Variants in ACSF2 observed in about 807,000 individuals in gnomAD.
ACSF2 encodes medium-chain acyl-CoA ligase ACSF2, mitochondrial.
ACSF2 carries 52 observed loss-of-function variants against 79.3 expected under a neutral mutation model. The observed-to-expected ratio is 0.66, with a 90% CI of 0.53 to 0.83. The LOEUF (loss-of-function observed/expected upper bound fraction) is 0.83, where lower values mean the gene tolerates loss of function less well. Ranked by LOEUF, ACSF2 falls within the 40% of genes least tolerant of loss-of-function variation. The probability of loss-of-function intolerance (pLI) is 0.00; values close to 1 mark genes in which losing one functional copy is unlikely to be tolerated. For synonymous variants in ACSF2, 283 were observed against 312.6 expected (o/e 0.91, Z 1.00); for missense variants, 661 against 803.3 (o/e 0.82, Z 2.14).
chr17:50,472,699 A>C, intron 12 of ACSF2, 120 bp downstream of exon 12: 5 of 1,237,556 alleles, frequency 4.0e-6, no homozygotes, highest in Non-Finnish European at 5.4e-6. Flanking sequence ...GACCCCTCAC[A>C]TGCTGGAGTC....
chr17:50,454,769 C>T (rs1486919229), intron 1 of ACSF2, among the ~76,000 whole-genome samples: 1 of 152,116 alleles, frequency 6.6e-6, no homozygotes, highest in Non-Finnish European at 1.5e-5. Context: ...GAAGAAGGAC[C>T]TATTGGGGTT....
rs1295170902 is a variant in ACSF2, at chr17:50,473,964, A to T, written c.1688A>T (p.Glu563Val). ...CACIRLKDGE[E>V]TTVEEIKAFC... ...TGCATTCGGCTGAAGGACGGGGAGG[A>T]GACCACGGTGGAGGAGATAAAAGCT... Residue 563 changes from glutamate to valine, a missense_variant, in exon 14 of 16, where the codon GAG (glutamate) becomes GTG (valine). Glu to Val is a moderately radical substitution (Grantham distance 121). Transcript: ENST00000300441. The T allele has an allele frequency of 6.5e-7, 1 of 1,541,094 alleles. No individual in the cohort carries two copies. Among genetic ancestry groups the T allele is most frequent in the African/African-American group, 1.4e-5 (1 of 72,914 alleles).
intron 1 of ACSF2, among the ~76,000 whole-genome samples, chr17:50,459,353 C>G (rs911145055): frequency 3.9e-5 from 6 of 152,196 alleles, no homozygotes; most frequent in Non-Finnish European, 7.4e-5. Context: ...TGATCCTCCC[C>G]CTTCAACCTC....
intron 1 of ACSF2, chr17:50,460,417 T>C: frequency 1.9e-6 from 1 of 515,730 alleles, no homozygotes; most frequent in Non-Finnish European, 3.5e-6. Flanking sequence ...CTATGGCATC[T>C]CACCTTTCCC....
chr17:50,469,045 G>T (rs1429891643), intron 10 of ACSF2: 1 of 1,316,256 alleles, frequency 7.6e-7, no homozygotes, highest in East Asian at 3.2e-5. Flanking sequence ...CCCCCAGCCG[G>T]CTACCGTGCA....
intron 1 of ACSF2, among the ~76,000 whole-genome samples, chr17:50,433,688 G>C (rs994677165): frequency 6.6e-6 from 1 of 152,044 alleles, no homozygotes; most frequent in African/African-American, 2.4e-5. Flanking sequence ...GCGTGATCAC[G>C]GCTCACTGTA....
chr17:50,462,652 G>T, intron 6 of ACSF2, 67 bp downstream of exon 6: 1 of 1,552,158 alleles, frequency 6.4e-7, no homozygotes. Context: ...TGACACTTCC[G>T]CGGGGATGGG....
At chr17:50,428,170 C>T (rs569783960) in intron 1 of ACSF2, among the ~76,000 whole-genome samples, 1 of 152,286 alleles carries the variant, frequency 6.6e-6, no homozygotes, top group South Asian at 2.1e-4. Context: ...GCCTGAGCAG[C>T]AGAGCAAAAC....
intron 1 of ACSF2, among the ~76,000 whole-genome samples, chr17:50,433,080 C>G (rs1221074309): frequency 6.6e-6 from 1 of 151,712 alleles, no homozygotes; most frequent in African/African-American, 2.4e-5. Context: ...CACACACACG[C>G]ACACACACAC....
At chr17:50,442,703 G>A (rs781710529) in intron 1 of ACSF2, among the ~76,000 whole-genome samples, 1 of 152,066 alleles carries the variant, frequency 6.6e-6, no homozygotes, top group Non-Finnish European at 1.5e-5. Context: ...GAATTCAAGC[G>A]ATTTTCCTGC....
intron 11 of ACSF2, chr17:50,472,144 C>A (rs2033151050): frequency 6.9e-6 from 3 of 431,770 alleles, no homozygotes; most frequent in Admixed American, 4.6e-5. Context: ...CTGCAGTCCA[C>A]AAACCTCTTT....
intron 10 of ACSF2, among the ~76,000 whole-genome samples, chr17:50,470,755 C>T (rs528579795): frequency 1.3e-5 from 2 of 151,992 alleles, no homozygotes; most frequent in East Asian, 1.9e-4. Context: ...TCCAGGGAAA[C>T]GGGGCACTGA....
chr17:50,436,696 A>G (rs1386558821), intron 1 of ACSF2, among the ~76,000 whole-genome samples: 1 of 149,656 alleles, frequency 6.7e-6, no homozygotes, highest in Non-Finnish European at 1.5e-5. Context: ...GGCCTCCCAA[A>G]GTGCTGGGAT....
intron 1 of ACSF2, among the ~76,000 whole-genome samples, chr17:50,439,474 A>C (rs994545028): frequency 2.0e-5 from 3 of 152,140 alleles, no homozygotes; most frequent in African/African-American, 4.8e-5. Context: ...TCAGATGGAC[A>C]TAAGTTGAGA....
rs752437580 is a variant in ACSF2, at chr17:50,473,645, C to T, written c.1476-20C>T. Reference sequence around the variant, plus strand: ...TGAACAAGGCAGAGATGACAGGTTGCCCCTGGGCTTTCCTTACAGAGATGT... The same window carrying T: ...TGAACAAGGCAGAGATGACAGGTTGTCCCTGGGCTTTCCTTACAGAGATGT... On this transcript the variant is annotated intron_variant, in intron 12 of 15. Coordinates refer to ENST00000300441, the MANE Select transcript of ACSF2 (RefSeq NM_025149.6). 1 of 1,614,086 alleles carries T rather than the reference C, an allele frequency of 6.2e-7. No individual in the cohort carries two copies. Among genetic ancestry groups the T allele is most frequent in the Admixed American group, 1.7e-5 (1 of 60,022 alleles).
At position 50,461,385 on chromosome 17, in the gene ACSF2, G is replaced by T. The variant is rs1203333163; in HGVS notation, c.453+15G>T. ...GCATCATTCTGGTGAGGAGGGGCTT[G>T]CTTGGCACAGCTTGGTGTGCATGGG... On this transcript the variant is annotated intron_variant, in intron 3 of 15. Coordinates refer to ENST00000300441, the MANE Select transcript of ACSF2 (RefSeq NM_025149.6). 2 of 1,613,330 alleles carry T rather than the reference G, an allele frequency of 1.2e-6. No individual in the cohort carries two copies. Among genetic ancestry groups the T allele is most frequent in the Non-Finnish European group, 1.7e-6 (2 of 1,179,906 alleles).
At chr17:50,460,560 TA>T in intron 1 of ACSF2, 116 bp from the exon 2 acceptor site, 1 of 875,770 alleles carries the variant, frequency 1.1e-6, no homozygotes, top group Non-Finnish European at 1.7e-6. Flanking sequence ...GGAGGAAACC[TA>T]GTGGTCTCTA....
intron 9 of ACSF2, 44 bp from the exon 10 acceptor site, chr17:50,464,174 G>A (rs2032532307): frequency 6.3e-7 from 1 of 1,583,786 alleles, no homozygotes; most frequent in Non-Finnish European, 8.7e-7. Flanking sequence ...ACTCCACTGG[G>A]CCTGGAGAAT....
rs2032467737 is a variant in ACSF2, at chr17:50,463,323, C to T, written c.888+72C>T. The stretch of plus-strand genomic sequence containing the variant: ...AGGCAGGGGTGGGGGGCTGGCTGGG[C>T]TCCCCTTGCCAGCTAGAGAGGAACT... On this transcript the variant is annotated intron_variant, in intron 7 of 15. Coordinates refer to ENST00000300441, the MANE Select transcript of ACSF2 (RefSeq NM_025149.6). This position sits in a 1 kb window ranked among gnomAD's most constrained non-coding sequence, Gnocchi z 4.6. 4 of 1,609,546 alleles carry T rather than the reference C, an allele frequency of 2.5e-6. No individual in the cohort carries two copies. Among genetic ancestry groups the T allele is most frequent in the Non-Finnish European group, 3.4e-6 (4 of 1,177,522 alleles).
Sources: gnomAD v4.1 joint callset for allele counts (sites outside exome capture counted in the v4.1 genomes callset) on GRCh38, gnomAD v4.1.1 for gene constraint, Gnocchi (gnomAD v3.1) non-coding constraint, MANE v1.5 for transcripts, NCBI Gene and HGNC (gene_info 2026-07-23, HGNC 2026-07-21) for gene names.